Variants in ZNF277 observed in about 807,000 individuals in gnomAD.
ZNF277 encodes the protein zinc finger protein 277, also known as nuclear receptor-interacting factor 4.
A neutral mutation model predicts 60.7 loss-of-function variants in ZNF277; 55 were observed. The ratio of observed to expected loss-of-function variants is 0.91; its 90% CI spans 0.73 to 1.13. ZNF277 has a LOEUF of 1.13. ZNF277 is among the 50% of genes most tolerant of loss of function. The pLI, the probability that ZNF277 is intolerant of heterozygous loss-of-function variation, is 0.00. For synonymous variants in ZNF277, 178 were observed against 179.3 expected, an observed-to-expected ratio of 0.99 and a Z score of 0.06; for missense variants, 510 against 523.0, an observed-to-expected ratio of 0.98 and a Z score of 0.24.
intron 1 of ZNF277, among the ~76,000 whole-genome samples, chr7:112,265,213 T>A (rs921149367): frequency 4.6e-5 from 7 of 152,192 alleles, no homozygotes; most frequent in Non-Finnish European, 1.0e-4. Context: ...GCCTTTCCAC[T>A]AACCTTAATC....
In ZNF277 at chr7:112,339,853, A is replaced by G. The variant is rs371488974; in HGVS notation, c.977A>G (p.Glu326Gly). 9.9e-6 allele frequency: 16 copies of G among 1,611,912 alleles called. No individual in the cohort carries two copies. Among genetic ancestry groups the G allele is most frequent in the Admixed American group, 1.7e-5 (1 of 60,004 alleles). Reference sequence around the variant, plus strand: ...TCATTCCTTTTTTAGGATGCACACGAATTTGATCTTCTCAAAATAAAGTCA... The same window carrying G: ...TCATTCCTTTTTTAGGATGCACACGGATTTGATCTTCTCAAAATAAAGTCA... ...KLYVHMEDAHEFDLLKIKSEL... is the reference protein window; with the variant it reads ...KLYVHMEDAHGFDLLKIKSEL... Residue 326 changes from glutamate (E) to glycine (G), a missense_variant, in exon 10 of 12, where the codon GAA becomes GGA. By Grantham distance (98) the Glu-to-Gly change is moderately conservative. Coordinates refer to ENST00000361822, the MANE Select transcript of ZNF277 (RefSeq NM_021994.3).
intron 5 of ZNF277, among the ~76,000 whole-genome samples, chr7:112,320,913 CTTTCTTTTTT>C (rs1473789313): frequency 8.3e-6 from 1 of 121,004 alleles, no homozygotes; most frequent in African/African-American, 3.2e-5. Flanking sequence ...TCCCTTGTTT[CTTTCTTTTTT>C]TTTTTTTTTT....
chr7:112,235,878 GT>G (rs1381928484), intron 1 of ZNF277, among the ~76,000 whole-genome samples: 1 of 151,638 alleles, frequency 6.6e-6, no homozygotes, highest in Non-Finnish European at 1.5e-5. Context: ...ATTGACCCCT[GT>G]TTTTGTCCCA....
At position 112,342,842 on chromosome 7, in the gene ZNF277, C is replaced by CT; in HGVS notation, c.*115dup. 1 of 855,390 alleles carries CT rather than the reference C, an allele frequency of 1.2e-6. No individual in the cohort carries two copies. Among genetic ancestry groups the CT allele is most frequent in the Non-Finnish European group, 1.6e-6 (1 of 628,486 alleles). The allele number at this position is 855,390 out of a possible 1,614,324, so 53.0% of individuals were successfully genotyped here. A position where few individuals can be genotyped will look rare whatever the true frequency, so the allele number is the denominator to read the frequency against. On this transcript the variant is annotated 3_prime_UTR_variant, in exon 12 of 12. Transcript: ENST00000361822. ...TTTGAACATCAACAAAAGATTGGTC[C>CT]TTGGTGAAATAAACTTTTCAAAAAT...
intron 1 of ZNF277, among the ~76,000 whole-genome samples, chr7:112,285,918 G>T (rs755682078): frequency 1.3e-5 from 2 of 152,148 alleles, no homozygotes; most frequent in Non-Finnish European, 2.9e-5. Flanking sequence ...TCTGAAGAAG[G>T]TTCTCTTCTT....
chr7:112,329,124 G>T (rs1038991032), intron 6 of ZNF277, among the ~76,000 whole-genome samples: 45 of 152,158 alleles, frequency 3.0e-4, no homozygotes, highest in African/African-American at 9.9e-4. Context: ...TTATGCCCTG[G>T]AATATATTCT....
rs530452666 is a variant in ZNF277 at position 112,274,798 on chromosome 7, C to T, written c.92-12075C>T. Among the ~76,000 whole-genome samples, 80 of 152,236 alleles carry T rather than the reference C, an allele frequency of 5.3e-4. 1 individual carries two copies. The South Asian group carries it at 0.015, about 28-fold the overall frequency. On this transcript the variant is annotated intron_variant, in intron 1 of 11. Coordinates refer to ENST00000361822, the MANE Select transcript of ZNF277 (RefSeq NM_021994.3). Reference sequence around the variant, plus strand: ...TGAATTAAATTAGGTTAAATCCAACCTCTGTTAATGTACTGTGAAATTTCC... The same window carrying T: ...TGAATTAAATTAGGTTAAATCCAACTTCTGTTAATGTACTGTGAAATTTCC...
chr7:112,242,996 A>G (rs1215961835), intron 1 of ZNF277, among the ~76,000 whole-genome samples: 1 of 152,112 alleles, frequency 6.6e-6, no homozygotes, highest in Non-Finnish European at 1.5e-5. Context: ...ATAGAACAGA[A>G]TAGAGAACCC....
chr7:112,269,201 ATTT>A (rs1309246236), intron 1 of ZNF277, among the ~76,000 whole-genome samples: 1 of 72,106 alleles, frequency 1.4e-5, no homozygotes, highest in Non-Finnish European at 2.4e-5. Flanking sequence ...AATACAATGG[ATTT>A]TTTTTGTTTT....
At chr7:112,216,105 T>C (rs1178626065) in intron 1 of ZNF277, among the ~76,000 whole-genome samples, 4 of 152,204 alleles carry the variant, frequency 2.6e-5, no homozygotes, top group African/African-American at 7.2e-5. Context: ...TGCGGGCTTA[T>C]TTGAATTTCT....
intron 1 of ZNF277, among the ~76,000 whole-genome samples, chr7:112,277,441 A>G (rs1791832157): frequency 6.6e-6 from 1 of 152,104 alleles, no homozygotes; most frequent in African/African-American, 2.4e-5. Context: ...ACATACACAC[A>G]GTATTTATAT....
chr7:112,209,487 A>G (rs528201244), intron 1 of ZNF277, among the ~76,000 whole-genome samples: 1 of 152,152 alleles, frequency 6.6e-6, no homozygotes, highest in African/African-American at 2.4e-5. Context: ...TTTGTTTTCA[A>G]TAAAAGTGTT....
In ZNF277 at chr7:112,296,285, A is replaced by G; in HGVS notation, c.439A>G (p.Arg147Gly). The G allele has an allele frequency of 6.3e-7, 1 of 1,590,284 alleles. No homozygotes were observed. Among genetic ancestry groups the G allele is most frequent in the Non-Finnish European group, 8.6e-7 (1 of 1,168,728 alleles). The change falls in exon 4 of 12, where the codon AGA (arginine) becomes GGA (glycine). Residue 147 changes from arginine to glycine, a missense_variant. Transcript: ENST00000361822. ...CGTTTTACCAGAAGATAGAATTCTT[A>G]GAGAAGAGCTTCAGAAACAGAGACT... ...CDVLPEDRIL[R>G]EELQKQRLRE...
intron 1 of ZNF277, among the ~76,000 whole-genome samples, chr7:112,269,757 C>T (rs1001298704): frequency 1.3e-5 from 2 of 152,040 alleles, no homozygotes; most frequent in East Asian, 3.8e-4. Context: ...TGTGGGATGC[C>T]TTTGTTCCCT....
chr7:112,313,191 G>A (rs935597050), intron 4 of ZNF277, among the ~76,000 whole-genome samples: 6 of 151,796 alleles, frequency 4.0e-5, no homozygotes, highest in Admixed American at 6.6e-5. Flanking sequence ...TCACTAATTC[G>A]TTTCCTTATT....
intron 1 of ZNF277, among the ~76,000 whole-genome samples, chr7:112,286,195 C>T (rs778987187): frequency 6.6e-6 from 1 of 152,156 alleles, no homozygotes; most frequent in African/African-American, 2.4e-5. Context: ...AAATGTTTAC[C>T]ACATCACATA....
At chr7:112,254,186 A>G (rs1791255874) in intron 1 of ZNF277, among the ~76,000 whole-genome samples, 1 of 152,244 alleles carries the variant, frequency 6.6e-6, no homozygotes, top group Non-Finnish European at 1.5e-5. Context: ...AATAAACCAC[A>G]TTTGAGACAC....
intron 1 of ZNF277, among the ~76,000 whole-genome samples, chr7:112,242,758 G>A (rs1452313086): frequency 2.0e-5 from 3 of 152,010 alleles, no homozygotes; most frequent in African/African-American, 7.2e-5. Flanking sequence ...GCAATCTACA[G>A]ATTCAGTGCA....
intron 1 of ZNF277, among the ~76,000 whole-genome samples, chr7:112,284,791 T>C (rs1285994097): frequency 6.6e-6 from 1 of 152,202 alleles, no homozygotes; most frequent in Non-Finnish European, 1.5e-5. Context: ...AGAGACCCTC[T>C]TCTATGGGAC....
Sources: allele counts gnomAD v4.1 joint callset (sites outside exome capture counted in the v4.1 genomes callset), GRCh38; gene constraint gnomAD v4.1.1; transcripts MANE v1.5; gene names NCBI Gene and HGNC (gene_info 2026-07-23, HGNC 2026-07-21).